KLRG1: variants seen among roughly 807,000 people sequenced by gnomAD.
The protein encoded by KLRG1 is killer cell lectin-like receptor subfamily G member 1.
A neutral mutation model predicts 21.8 loss-of-function variants in KLRG1; 16 were observed. That is an observed-to-expected ratio of 0.73 (90% CI 0.50 to 1.11). The LOEUF (loss-of-function observed/expected upper bound fraction) is 1.11, where lower values mean the gene tolerates loss of function less well. KLRG1 is among the 50% of genes most tolerant of loss of function. The pLI is 0.00. For synonymous variants in KLRG1, 69 were observed against 75.9 expected (o/e 0.91, Z 0.47); for missense variants, 173 against 218.3 (o/e 0.79, Z 1.31).
At chr12:9,192,771 T>C in the KLRG1 span, 1 of 1,456,548 alleles carries the variant, frequency 6.9e-7, no homozygotes, top group East Asian at 2.3e-5. Flanking sequence ...GAAAGAATAC[T>C]GTCTTGAAAT....
At chr12:9,028,808 G>T in the KLRG1 span, 1 of 624,690 alleles carries the variant, frequency 1.6e-6, no homozygotes, top group South Asian at 1.4e-5. Flanking sequence ...TGGTCTTTGA[G>T]AATCTTCTCT....
the KLRG1 span, chr12:9,182,191 C>G: frequency 3.3e-6 from 1 of 304,256 alleles, no homozygotes; most frequent in Non-Finnish European, 5.2e-6. Context: ...GTCATAAGGA[C>G]ACTATTGCTT....
the KLRG1 span, among the ~76,000 whole-genome samples, chr12:9,018,579 GAAGA>G: frequency 9.2e-5 from 14 of 151,670 alleles, no homozygotes; most frequent in Non-Finnish European, 1.5e-4. Context: ...TTCATATGCA[GAAGA>G]ATGAAACTAG....
At chr12:9,124,986 C>T in the KLRG1 span, among the ~76,000 whole-genome samples, 6 of 152,202 alleles carry the variant, frequency 3.9e-5, no homozygotes, top group African/African-American at 1.4e-4. Flanking sequence ...TCAGGCAGAG[C>T]AAGAGAGAGG....
At chr12:9,173,598 A>G in the KLRG1 span, among the ~76,000 whole-genome samples, 1 of 152,180 alleles carries the variant, frequency 6.6e-6, no homozygotes, top group East Asian at 1.9e-4. Flanking sequence ...AATAAAGAAG[A>G]AAAAAAGAAA....
the KLRG1 span, chr12:9,192,739 C>A: frequency 6.3e-7 from 1 of 1,588,636 alleles, no homozygotes; most frequent in Non-Finnish European, 8.6e-7. Context: ...ACAGTGAAAA[C>A]CTGAGTAAAC....
At chr12:9,153,613 A>T in the KLRG1 span, among the ~76,000 whole-genome samples, 9 of 152,260 alleles carry the variant, frequency 5.9e-5, no homozygotes, top group African/African-American at 2.2e-4. Flanking sequence ...TTCAAAGAAT[A>T]GGTCTAAAAC....
chr12:9,091,494 A>C, the KLRG1 span: 1 of 1,495,752 alleles, frequency 6.7e-7, no homozygotes, highest in African/African-American at 1.4e-5. Flanking sequence ...TAGGGAGAGA[A>C]TCCCTAGGAA....
intron 3 of KLRG1, among the ~76,000 whole-genome samples, chr12:9,002,910 T>TACACACACAC (rs59706974): frequency 0.05 from 7,195 of 144,628 alleles, 200 homozygotes; most frequent in Middle Eastern, 0.079. Flanking sequence ...CTCTTTCTAA[T>TACACACACAC]ACACACACAC....
At chr12:9,123,298 A>AAATTAGGCTTAGTAAGAGAT in the KLRG1 span, among the ~76,000 whole-genome samples, 1 of 152,186 alleles carries the variant, frequency 6.6e-6, no homozygotes, top group Non-Finnish European at 1.5e-5. Context: ...TTTAATTTAT[A>AAATTAGGCTTAGTAAGAGAT]AATTAGGCTT....
At chr12:8,959,381 G>C (rs769652856) in intron 1 of KLRG1, among the ~76,000 whole-genome samples, 1 of 152,090 alleles carries the variant, frequency 6.6e-6, no homozygotes, top group South Asian at 2.1e-4. Flanking sequence ...ATGCCACTTC[G>C]TCCTGAGACC....
the KLRG1 span, chr12:9,074,662 C>T: frequency 5.0e-6 from 8 of 1,613,920 alleles, no homozygotes; most frequent in South Asian, 1.1e-5. Flanking sequence ...CTGGCTGGGC[C>T]GTGAGATAAG....
chr12:9,104,218 G>A, the KLRG1 span: 1 of 1,599,936 alleles, frequency 6.3e-7, no homozygotes, highest in South Asian at 1.1e-5. Flanking sequence ...CATGTCATTG[G>A]TAATTTCTTT....
chr12:9,000,346 A>G (rs148285499), intron 3 of KLRG1, among the ~76,000 whole-genome samples: 4 of 152,326 alleles, frequency 2.6e-5, no homozygotes, highest in African/African-American at 7.2e-5. Flanking sequence ...CAACTGCATA[A>G]CAAGGGATGG....
the KLRG1 span, among the ~76,000 whole-genome samples, chr12:9,160,802 C>T: frequency 1.3e-5 from 2 of 151,934 alleles, no homozygotes; most frequent in Non-Finnish European, 2.9e-5. Context: ...GTAGTCCCAG[C>T]TACTCGGGAG....
the KLRG1 span, among the ~76,000 whole-genome samples, chr12:9,180,509 A>G: frequency 2.6e-5 from 4 of 152,200 alleles, no homozygotes; most frequent in African/African-American, 9.7e-5. Context: ...ATCTACAACT[A>G]TCTGATCTTC....
At chr12:9,079,157 G>C in the KLRG1 span, 1 of 1,001,456 alleles carries the variant, frequency 1.0e-6, no homozygotes, top group Non-Finnish European at 1.5e-6. Context: ...ATACATATCT[G>C]ATAGTGTTGC....
chr12:9,130,895 C>T, the KLRG1 span, among the ~76,000 whole-genome samples: 11 of 152,076 alleles, frequency 7.2e-5, no homozygotes, highest in South Asian at 2.3e-3. Context: ...ATGAGATTAT[C>T]CTGTCTGTTT....
chr12:9,140,592 T>C, the KLRG1 span, among the ~76,000 whole-genome samples: 11 of 152,242 alleles, frequency 7.2e-5, no homozygotes, highest in African/African-American at 2.4e-4. Context: ...ACCTAGGCCT[T>C]TTAAACTGGC....
Sources: allele counts gnomAD v4.1 joint callset (sites outside exome capture counted in the v4.1 genomes callset), GRCh38; gene constraint gnomAD v4.1.1; transcripts MANE v1.5; gene names NCBI Gene and HGNC (gene_info 2026-07-23, HGNC 2026-07-21).